ANKH: variants seen among roughly 807,000 people sequenced by gnomAD.
ANKH encodes the protein ANKH inorganic pyrophosphate transport regulator.
ANKH carries 15 observed loss-of-function variants against 49.0 expected under a neutral mutation model. The observed-to-expected ratio is 0.31, with a 90% CI of 0.20 to 0.47. The LOEUF (loss-of-function observed/expected upper bound fraction) is 0.47. ANKH is among the 20% of genes least tolerant of loss of function. ANKH has a pLI of 1.00. For missense variants in ANKH, 429 were observed against 652.0 expected (o/e 0.66, Z 3.72); for synonymous variants, 273 against 260.0 (o/e 1.05, Z -0.48).
At chr5:14,805,700 T>C (rs1044264127) in intron 1 of ANKH, among the ~76,000 whole-genome samples, 6 of 151,986 alleles carry the variant, frequency 3.9e-5, no homozygotes, top group African/African-American at 1.4e-4. Flanking sequence ...TGTTAGACAG[T>C]AGCTCACACT....
chr5:14,754,367 C>A (rs1580040083), intron 4 of ANKH, among the ~76,000 whole-genome samples: 1 of 147,504 alleles, frequency 6.8e-6, no homozygotes, highest in East Asian at 2.0e-4. Context: ...AAAAAACACA[C>A]ATCTACAAAT....
chr5:14,724,642 T>C (rs1019158571), intron 8 of ANKH: 29 of 932,034 alleles, frequency 3.1e-5, no homozygotes, highest in Non-Finnish European at 3.1e-5. Flanking sequence ...CTTCCTCACT[T>C]GCAGAGTGGG....
chr5:14,866,451 T>C (rs543472094), intron 1 of ANKH, among the ~76,000 whole-genome samples: 20 of 152,324 alleles, frequency 1.3e-4, no homozygotes, highest in African/African-American at 4.8e-4. Flanking sequence ...ACTGAGTACC[T>C]TTTTAAAAAG....
At chr5:14,815,316 C>G (rs1160473178) in intron 1 of ANKH, among the ~76,000 whole-genome samples, 1 of 152,136 alleles carries the variant, frequency 6.6e-6, no homozygotes, top group African/African-American at 2.4e-5. Context: ...AGAGATTTCC[C>G]CCCAAAACCC....
intron 1 of ANKH, among the ~76,000 whole-genome samples, chr5:14,794,394 G>T (rs532598332): frequency 6.6e-6 from 1 of 152,258 alleles, no homozygotes; most frequent in Non-Finnish European, 1.5e-5. Context: ...GGCCGTGAAC[G>T]TGGGCTAAAG....
At chr5:14,825,284 T>C (rs1055796193) in intron 1 of ANKH, among the ~76,000 whole-genome samples, 2 of 152,246 alleles carry the variant, frequency 1.3e-5, no homozygotes, top group African/African-American at 4.8e-5. Flanking sequence ...ATCAAAACTC[T>C]TTCTACTACT....
intron 1 of ANKH, among the ~76,000 whole-genome samples, chr5:14,804,768 C>T (rs2126564838): frequency 6.6e-6 from 1 of 152,314 alleles, no homozygotes; most frequent in Non-Finnish European, 1.5e-5. Context: ...TCAGCGCTCA[C>T]TGGCATTTCA....
In ANKH at chr5:14,871,416, C is replaced by A. The variant is rs1364884467; in HGVS notation, c.32G>T (p.Trp11Leu). 1.9e-6 allele frequency: 3 copies of A among 1,613,202 alleles called. No individual in the cohort carries two copies. The Admixed American group carries it at 5.0e-5, about 27-fold the overall frequency. MVKFPALTHY[W>L]PLIRFLVPLG... ...GGGCACCAAGAACCGGATCAGGGGCCAGTAGTGCGTGAGCGCCGGGAATTT... is the reference window on the plus strand; with the variant it reads ...GGGCACCAAGAACCGGATCAGGGGCAAGTAGTGCGTGAGCGCCGGGAATTT... The change falls in exon 1 of 12, where the codon TGG (tryptophan) becomes TTG (leucine). Residue 11 changes from tryptophan to leucine, a missense_variant. By Grantham distance (61) the Trp-to-Leu change is moderately conservative. This residue lies in a region of ANKH where 378 missense variants were observed against 615.3 expected (regional missense o/e 0.61). Transcript: ENST00000284268.
chr5:14,774,417 A>AT (rs907440743), intron 1 of ANKH, among the ~76,000 whole-genome samples: 3 of 151,924 alleles, frequency 2.0e-5, no homozygotes, highest in Non-Finnish European at 2.9e-5. Context: ...TTTATTTGTG[A>AT]TTTTTTTCCC....
In ANKH at chr5:14,770,760, TA is replaced by T. The variant is rs558678791; in HGVS notation, c.97-1570del. On this transcript the variant is annotated intron_variant, in intron 1 of 11. Coordinates refer to ENST00000284268, the MANE Select transcript of ANKH (RefSeq NM_054027.6). The surrounding 1 kb of genome is among the most constrained non-coding windows in gnomAD (Gnocchi z 4.1). ...TAACCATGGATAGTAAAACTGTGGA[TA>T]GGGGTGACTAGTGTAATGTAGTTTA... Among the ~76,000 whole-genome samples, 4 of 152,326 alleles carry T rather than the reference TA, an allele frequency of 2.6e-5. No individual in the cohort carries two copies. The highest frequency in any genetic ancestry group is 9.6e-5 in the African/African-American group (4 of 41,574).
At chr5:14,772,222 C>T (rs1739469276) in intron 1 of ANKH, among the ~76,000 whole-genome samples, 1 of 152,128 alleles carries the variant, frequency 6.6e-6, no homozygotes, top group Admixed American at 6.5e-5. Context: ...CGTTCTGTGC[C>T]TTTGTTTCAT....
chr5:14,715,903 A>G (rs745993048), intron 9 of ANKH, among the ~76,000 whole-genome samples: 1 of 152,228 alleles, frequency 6.6e-6, no homozygotes, highest in East Asian at 1.9e-4. Context: ...TTTTCTGACC[A>G]TCCATCTGGC....
chr5:14,755,281 T>C (rs1433795922), intron 4 of ANKH, among the ~76,000 whole-genome samples: 3 of 152,194 alleles, frequency 2.0e-5, no homozygotes, highest in Non-Finnish European at 4.4e-5. Flanking sequence ...GTGCCAGGGC[T>C]CAGAGAATTG....
chr5:14,777,003 C>T (rs969214755), intron 1 of ANKH, among the ~76,000 whole-genome samples: 1 of 152,144 alleles, frequency 6.6e-6, no homozygotes, highest in Admixed American at 6.5e-5. Context: ...TATCTGGGGT[C>T]GGGTGCAGTG....
intron 8 of ANKH, among the ~76,000 whole-genome samples, chr5:14,726,223 G>C (rs912669445): frequency 6.6e-6 from 1 of 152,158 alleles, no homozygotes; most frequent in Admixed American, 6.5e-5. Context: ...TGTCTTGCTC[G>C]ACTTTCCAGA....
At chr5:14,768,415 T>C (rs1739319979) in intron 2 of ANKH, 1 of 154,344 alleles carries the variant, frequency 6.5e-6, no homozygotes, top group Non-Finnish European at 1.4e-5. Flanking sequence ...GAGAGCTGCT[T>C]TTCCAGGGTC....
chr5:14,832,161 G>A (rs1035906399), intron 1 of ANKH, among the ~76,000 whole-genome samples: 6 of 152,014 alleles, frequency 3.9e-5, no homozygotes, highest in African/African-American at 1.4e-4. Flanking sequence ...ATATTTTCTG[G>A]TCTGAAAAGT....
intron 1 of ANKH, among the ~76,000 whole-genome samples, chr5:14,829,807 A>T (rs1361510021): frequency 2.0e-5 from 3 of 152,254 alleles, no homozygotes; most frequent in Admixed American, 1.3e-4. Flanking sequence ...TAGAAGACAT[A>T]AAACATGAAT....
chr5:14,858,507 G>A (rs1735359888), intron 1 of ANKH, among the ~76,000 whole-genome samples: 1 of 152,142 alleles, frequency 6.6e-6, no homozygotes, highest in African/African-American at 2.4e-5. Context: ...CACAAGGTCA[G>A]GAGTTTGAGA....
Sources: allele counts gnomAD v4.1 joint callset (sites outside exome capture counted in the v4.1 genomes callset), GRCh38; gene constraint gnomAD v4.1.1; regional missense constraint gnomAD v4.1.1; non-coding constraint Gnocchi (gnomAD v3.1); transcripts MANE v1.5; gene names NCBI Gene and HGNC (gene_info 2026-07-23, HGNC 2026-07-21).